NAV1: variants seen among roughly 807,000 people sequenced by gnomAD.
NAV1 encodes the protein neuron navigator 1.
NAV1 carries 18 observed loss-of-function variants against 175.2 expected under a neutral mutation model. That is an observed-to-expected ratio of 0.10 (90% CI 0.07 to 0.15). The LOEUF (loss-of-function observed/expected upper bound fraction) is 0.15, where lower values mean the gene tolerates loss of function less well. NAV1 is among the 10% of genes least tolerant of loss of function. The pLI is 1.00. For synonymous variants in NAV1, 897 were observed against 978.7 expected (o/e 0.92, Z 1.56); for missense variants, 1,731 against 2,436.6 (o/e 0.71, Z 6.10).
chr1:201,804,754 C>T (rs1244480127), intron 17 of NAV1, among the ~76,000 whole-genome samples: 1 of 152,052 alleles, frequency 6.6e-6, no homozygotes, highest in African/African-American at 2.4e-5. Context: ...CAAATATATT[C>T]CCTACTATCT....
chr1:201,623,034 A>G (rs1668222250), exon 1 of NAV1: 2 of 985,802 alleles, frequency 2.0e-6, no homozygotes, highest in African/African-American at 1.7e-5. Flanking sequence ...CCCTGAGCCC[A>G]CAGAGAGCAG....
chr1:201,561,148 A>G, intron 1 of NAV1, among the ~76,000 whole-genome samples: 1 of 152,162 alleles, frequency 6.6e-6, no homozygotes, highest in East Asian at 1.9e-4. Flanking sequence ...TTGCTAGTGG[A>G]GGATGGGAGC....
chr1:201,704,645 G>A (rs941719283), intron 1 of NAV1, among the ~76,000 whole-genome samples: 9 of 152,234 alleles, frequency 5.9e-5, no homozygotes, highest in African/African-American at 2.2e-4. Context: ...GGTATGCAAT[G>A]AGATGTAAGG....
upstream of NAV1, among the ~76,000 whole-genome samples, chr1:201,646,244 C>G (rs1444901605): frequency 6.6e-6 from 1 of 152,210 alleles, no homozygotes; most frequent in African/African-American, 2.4e-5. Flanking sequence ...ACCACGAACC[C>G]TAGTTCCACC....
At chr1:201,753,138 C>G (rs1299420598) in intron 3 of NAV1, among the ~76,000 whole-genome samples, 1 of 152,108 alleles carries the variant, frequency 6.6e-6, no homozygotes, top group Non-Finnish European at 1.5e-5. Context: ...AAGGAAACTT[C>G]TCTAAGGAAG....
chr1:201,593,538 G>A lies in NAV1; in HGVS notation c.-33+4889G>A, dbSNP rs1571836904. 2.0e-5 allele frequency among the ~76,000 whole-genome samples: 3 copies of A among 152,318 alleles called. No homozygotes were observed. In the East Asian group the frequency reaches 5.8e-4, roughly 29 times the overall value. On this transcript the variant is annotated intron_variant, in intron 2 of 33. Transcript: ENST00000685211. ...AGGATTGCAGAATCTAATCCAGAAG[G>A]AAGAGTTTATCCAAATGTTGGTGGC...
intron 1 of NAV1, among the ~76,000 whole-genome samples, chr1:201,656,130 C>T (rs919190435): frequency 5.9e-5 from 9 of 152,244 alleles, no homozygotes; most frequent in African/African-American, 2.2e-4. Context: ...CAAACCTCAG[C>T]AAGGCAGCCA....
rs148385509 is a variant in NAV1 at position 201,637,790 on chromosome 1, C to G, written c.4+8283C>G. Among the ~76,000 whole-genome samples, 12 of 152,278 alleles carry G rather than the reference C, an allele frequency of 7.9e-5. No homozygotes were observed. In the East Asian group the frequency reaches 2.3e-3, roughly 29 times the overall value. ...TTGCCTGCCTGGAGTTTTCCCTCAC[C>G]GGCCTGCAGTTGCCATGACAACTGA... On this transcript the variant is annotated intron_variant, in intron 2 of 29. Coordinates refer to the NAV1 transcript ENST00000367302.
chr1:201,723,568 G>T (rs1672482298), intron 3 of NAV1: 1 of 152,180 alleles, frequency 6.6e-6, no homozygotes. Flanking sequence ...ATAGCTGATG[G>T]GGTTTTTTGG....
intron 1 of NAV1, among the ~76,000 whole-genome samples, chr1:201,548,123 A>G (rs368152334): frequency 6.6e-6 from 1 of 152,240 alleles, no homozygotes; most frequent in Admixed American, 6.5e-5. Context: ...AGCACATGCT[A>G]TGCTGTCCCC....
intron 3 of NAV1, chr1:201,724,908 GAA>G (rs1672538344): frequency 6.5e-6 from 1 of 152,706 alleles, no homozygotes; most frequent in African/African-American, 2.4e-5. Context: ...CTTTGGCTCT[GAA>G]GTGTCCTGAC....
rs563703292 is a variant in NAV1, at chr1:201,615,549, CACCATTCTTG to C, written c.-32-7303_-32-7294del. On this transcript the variant is annotated intron_variant, in intron 2 of 33. Transcript: ENST00000685211. ...AAATGCTGGGATTACAGGCATGAGC[CACCATTCTTG>C]GCCAATTTCTGCCATTTCTTGAGCA... Among the ~76,000 whole-genome samples, 46 of 152,302 alleles carry C rather than the reference CACCATTCTTG, an allele frequency of 3.0e-4. 1 individual carries two copies. In the East Asian group the frequency reaches 8.3e-3, roughly 27 times the overall value.
intron 3 of NAV1, among the ~76,000 whole-genome samples, chr1:201,754,479 T>C (rs1674329989): frequency 6.6e-6 from 1 of 152,148 alleles, no homozygotes; most frequent in Non-Finnish European, 1.5e-5. Context: ...GAATTAGCAA[T>C]GTAGAGATCT....
chr1:201,627,440 T>C (rs1668364745), intron 1 of NAV1, among the ~76,000 whole-genome samples: 1 of 151,960 alleles, frequency 6.6e-6, no homozygotes, highest in South Asian at 2.1e-4. Flanking sequence ...GCCTGGCTAA[T>C]TTTTGTATTT....
chr1:201,784,230 T>A (rs1676538584), intron 7 of NAV1, among the ~76,000 whole-genome samples: 1 of 152,316 alleles, frequency 6.6e-6, no homozygotes, highest in South Asian at 2.1e-4. Flanking sequence ...CAGTCTTGGC[T>A]CACTGCAATC....
At chr1:201,804,598 A>C (rs1678161245) in intron 17 of NAV1, 101 bp downstream of exon 21, 1 of 1,071,464 alleles carries the variant, frequency 9.3e-7, no homozygotes, top group Non-Finnish European at 1.3e-6. Context: ...AAAAAAAAAA[A>C]AAAATGAATG....
At chr1:201,587,260 A>G (rs1016672153) in intron 1 of NAV1, among the ~76,000 whole-genome samples, 1 of 151,772 alleles carries the variant, frequency 6.6e-6, no homozygotes, top group African/African-American at 2.4e-5. Context: ...GTAGTTTACC[A>G]CATTAAAAAA....
intron 1 of NAV1, among the ~76,000 whole-genome samples, chr1:201,661,942 G>A (rs771958752): frequency 2.6e-5 from 4 of 152,182 alleles, no homozygotes; most frequent in Admixed American, 6.5e-5. Flanking sequence ...TCATTTAATC[G>A]TCACAACAAC....
chr1:201,598,157 G>A (rs942741952), intron 2 of NAV1, among the ~76,000 whole-genome samples: 2 of 152,252 alleles, frequency 1.3e-5, no homozygotes, highest in South Asian at 4.1e-4. Flanking sequence ...TGGCAGCTCA[G>A]GGCCACTTAC....
Sources: gnomAD v4.1 joint callset for allele counts (sites outside exome capture counted in the v4.1 genomes callset) on GRCh38, gnomAD v4.1.1 for gene constraint, MANE v1.5 for transcripts, NCBI Gene and HGNC (gene_info 2026-07-23, HGNC 2026-07-21) for gene names.